The following GSE1 variants were observed in gnomAD, a reference collection of about 807,000 sequenced individuals.
GSE1 encodes Gse1 coiled-coil protein, also known as genetic suppressor element 1.
GSE1 carries 32 observed loss-of-function variants against 112.6 expected under a neutral mutation model. The observed-to-expected ratio is 0.28, with a 90% confidence interval of 0.21 to 0.38. The LOEUF (loss-of-function observed/expected upper bound fraction) is 0.38, where lower values mean the gene tolerates loss of function less well. Ranked by LOEUF, GSE1 falls within the 10% of genes least tolerant of loss-of-function variation. The pLI is 1.00. For synonymous variants in GSE1, 1,115 were observed against 735.6 expected, an observed-to-expected ratio of 1.52 and a Z score of -8.35; for missense variants, 2,348 against 1,699.2, an observed-to-expected ratio of 1.38 and a Z score of -6.71.
chr16:85,633,071 G>A (rs904779215), intron 1 of GSE1, among the ~76,000 whole-genome samples: 6 of 152,178 alleles, frequency 3.9e-5, no homozygotes, highest in African/African-American at 7.2e-5. Flanking sequence ...CCGTTGCTGC[G>A]CCAGGTCGGC....
chr16:85,507,392 G>A (rs1443316655), intron 2 of GSE1, among the ~76,000 whole-genome samples: 1 of 152,186 alleles, frequency 6.6e-6, no homozygotes, highest in East Asian at 1.9e-4. Flanking sequence ...CAGGCTCCTG[G>A]GCCGGGGTGG....
chr16:85,344,013 C>T (rs538898830), intron 1 of GSE1, among the ~76,000 whole-genome samples: 1 of 152,336 alleles, frequency 6.6e-6, no homozygotes, highest in Non-Finnish European at 1.5e-5. Context: ...CCCCCAGGAA[C>T]ATGGCTCCTT....
Position 85,663,429 on chromosome 16 carries a change from GGAT to G in GSE1, c.2461_2463del (p.Met821del). On this transcript the variant is annotated inframe_deletion, in exon 11 of 16. Coordinates refer to ENST00000253458, the MANE Select transcript of GSE1 (RefSeq NM_014615.5). Reference sequence around the variant, plus strand: ...GCCCAGAAGCGGAGGAAGCGGCGGAGGATGCTGCGAGAGAGAAGCCCGTCGCCC... The same window carrying G: ...GCCCAGAAGCGGAGGAAGCGGCGGAGGCTGCGAGAGAGAAGCCCGTCGCCC... 6.2e-7 allele frequency: 1 copy of G among 1,613,924 alleles called. No individual in the cohort carries two copies. The highest frequency in any genetic ancestry group is 8.5e-7 in the Non-Finnish European group (1 of 1,180,028).
chr16:85,295,834 G>T (rs1173032525), intron 1 of GSE1, among the ~76,000 whole-genome samples: 2 of 151,280 alleles, frequency 1.3e-5, no homozygotes, highest in Non-Finnish European at 2.9e-5. Context: ...GGAACTCCTG[G>T]GCTCAAGTGA....
chr16:85,572,702 G>T (rs1007586969), intron 1 of GSE1, among the ~76,000 whole-genome samples: 1 of 152,172 alleles, frequency 6.6e-6, no homozygotes, highest in African/African-American at 2.4e-5. Flanking sequence ...CTCGGTTTCC[G>T]AGGGCTCCCC....
chr16:85,614,631 C>T (rs1011358814), intron 1 of GSE1, among the ~76,000 whole-genome samples: 2 of 152,170 alleles, frequency 1.3e-5, no homozygotes, highest in African/African-American at 2.4e-5. Context: ...CCGAGGGCAG[C>T]GTGCTGGCGG....
chr16:85,607,582 G>A (rs1474883230), upstream of GSE1, among the ~76,000 whole-genome samples: 14 of 152,244 alleles, frequency 9.2e-5, no homozygotes, highest in Admixed American at 9.2e-4. Flanking sequence ...AAGGGAGTTA[G>A]CCGGGCCTTA....
rs190216717 is a variant in GSE1, at chr16:85,669,517, C to T, written c.3415+1093C>T. Among the ~76,000 whole-genome samples the T allele has an allele frequency of 6.6e-5, 10 of 152,294 alleles. No homozygotes were observed. The East Asian group carries it at 1.2e-3, about 18-fold the overall frequency. ...CGTATTTTGTTTCCTTTCCTCCTCC[C>T]GTGGAATCTTTGAGTTTATTGCGCA... On this transcript the variant is annotated intron_variant, in intron 14 of 15. Coordinates refer to ENST00000253458, the MANE Select transcript of GSE1 (RefSeq NM_014615.5).
intron 1 of GSE1, among the ~76,000 whole-genome samples, chr16:85,584,680 G>A (rs915856933): frequency 4.6e-5 from 7 of 152,028 alleles, no homozygotes; most frequent in East Asian, 1.9e-4. Flanking sequence ...TTCCCCCTCC[G>A]TTTTATGCCT....
At chr16:85,179,697 C>T (rs2074542350) in intron 1 of GSE1, among the ~76,000 whole-genome samples, 1 of 152,176 alleles carries the variant, frequency 6.6e-6, no homozygotes, top group African/African-American at 2.4e-5. Flanking sequence ...TCCTGGTCTT[C>T]AGGCAGTGGA....
At chr16:85,371,258 A>G (rs1453083600) in intron 2 of GSE1, among the ~76,000 whole-genome samples, 1 of 152,200 alleles carries the variant, frequency 6.6e-6, no homozygotes, top group Admixed American at 6.5e-5. Context: ...AAGAGCCCCA[A>G]GTGGAAAGTG....
At position 85,485,221 on chromosome 16, in the gene GSE1, C is replaced by T. The variant is rs185508150; in HGVS notation, c.2464+127578C>T. On this transcript the variant is annotated intron_variant, in intron 2 of 2. Transcript: ENST00000637419. ...TGCCCGGAGATAGGCACCCCAGGGC[C>T]ACCCACTCACGGTTTCCCGCGCCCA... 6.5e-4 allele frequency among the ~76,000 whole-genome samples: 99 copies of T among 152,372 alleles called. 2 individuals carry two copies. The highest frequency in any genetic ancestry group is 2.3e-3 in the African/African-American group (94 of 41,596).
upstream of GSE1, among the ~76,000 whole-genome samples, chr16:85,554,656 T>C (rs546322170): frequency 4.7e-4 from 72 of 152,200 alleles, 1 homozygote; most frequent in South Asian, 0.015. Flanking sequence ...GCGTGTGCGT[T>C]GCCGCAACCC....
rs1220200172 is a variant in GSE1, at chr16:85,320,078, A to C, written c.2284-37385A>C. ...GACAGGCCCCACATTTTCACAGGAGAAATCTGTCTGGGAAACTTTAAATGA... is the reference window on the plus strand; with the variant it reads ...GACAGGCCCCACATTTTCACAGGAGCAATCTGTCTGGGAAACTTTAAATGA... On this transcript the variant is annotated intron_variant, in intron 1 of 2. Coordinates refer to the GSE1 transcript ENST00000637419. Among the ~76,000 whole-genome samples the C allele has an allele frequency of 2.6e-5, 4 of 152,276 alleles. No individual in the cohort carries two copies. The East Asian group carries it at 7.7e-4, about 29-fold the overall frequency.
chr16:85,559,317 C>T (rs974418558), intron 1 of GSE1, among the ~76,000 whole-genome samples: 6 of 152,186 alleles, frequency 3.9e-5, no homozygotes, highest in African/African-American at 9.7e-5. Context: ...TTGGGAGTGG[C>T]GGAGCTGGGA....
intron 1 of GSE1, among the ~76,000 whole-genome samples, chr16:85,277,605 C>A (rs566314706): frequency 1.3e-5 from 2 of 152,316 alleles, no homozygotes; most frequent in South Asian, 4.1e-4. Context: ...ACAGGTGCCT[C>A]ATCCAGCCCA....
At chr16:85,555,444 A>G (rs1598163574), upstream of GSE1, 1 of 983,152 alleles carries the variant, frequency 1.0e-6, no homozygotes, top group East Asian at 1.1e-4. Context: ...CCGGCTCCCC[A>G]GCCTGCTTTC....
intron 2 of GSE1, among the ~76,000 whole-genome samples, chr16:85,376,852 G>A (rs2151611013): frequency 6.6e-6 from 1 of 152,340 alleles, no homozygotes; most frequent in Non-Finnish European, 1.5e-5. Context: ...AAAAGAGGCT[G>A]TGTCCGTGGT....
intron 7 of GSE1, 79 bp downstream of exon 7, chr16:85,656,744 G>C (rs1350619863): frequency 3.5e-6 from 5 of 1,432,100 alleles, no homozygotes; most frequent in South Asian, 1.5e-5. Context: ...AGCACCTGCC[G>C]GTTGCCGTGG....
Sources: allele counts gnomAD v4.1 joint callset (sites outside exome capture counted in the v4.1 genomes callset), GRCh38; gene constraint gnomAD v4.1.1; transcripts MANE v1.5; gene names NCBI Gene and HGNC (gene_info 2026-07-23, HGNC 2026-07-21).